The following NBAS variants were observed in gnomAD, a reference collection of about 807,000 sequenced individuals.
The protein encoded by NBAS is NAG/BC035112 fusion.
In NBAS, 219 loss-of-function variants were observed where a neutral mutation model predicts 302.5. The observed-to-expected ratio is 0.72, with a 90% CI of 0.65 to 0.81. The LOEUF is 0.81. Among genes scored for constraint, NBAS ranks in the 30% least tolerant of loss-of-function variants. The probability of loss-of-function intolerance (pLI) is 0.00; values close to 1 mark genes in which losing one functional copy is unlikely to be tolerated. For missense variants in NBAS, 2,932 were observed against 2,841.6 expected, an observed-to-expected ratio of 1.03 and a Z score of -0.72; for synonymous variants, 1,118 against 1,021.6, an observed-to-expected ratio of 1.09 and a Z score of -1.80.
At chr2:14,797,937 T>C in the NBAS span, among the ~76,000 whole-genome samples, 1 of 152,224 alleles carries the variant, frequency 6.6e-6, no homozygotes, top group Admixed American at 6.5e-5. Context: ...TTAATTTTTG[T>C]ATACTGACCT....
intron 32 of NBAS, 121 bp downstream of exon 32, chr2:15,366,459 C>A (rs1348008499): frequency 1.1e-6 from 1 of 932,082 alleles, no homozygotes; most frequent in Non-Finnish European, 1.7e-6. Context: ...CAGAGCGAGA[C>A]CCTGTCTAAT....
chr2:15,495,265 C>T (rs540822819), intron 11 of NBAS, among the ~76,000 whole-genome samples: 3 of 152,234 alleles, frequency 2.0e-5, no homozygotes, highest in Non-Finnish European at 2.9e-5. Flanking sequence ...AAAACAGATA[C>T]GATCCTCTTG....
intron 25 of NBAS, among the ~76,000 whole-genome samples, chr2:15,415,074 G>A (rs1433982468): frequency 6.6e-6 from 1 of 152,208 alleles, no homozygotes; most frequent in Non-Finnish European, 1.5e-5. Flanking sequence ...TACTGGTTAA[G>A]GACACAGTTG....
intron 21 of NBAS, among the ~76,000 whole-genome samples, chr2:15,456,347 A>G (rs1278077032): frequency 6.6e-6 from 1 of 152,250 alleles, no homozygotes; most frequent in Non-Finnish European, 1.5e-5. Flanking sequence ...AGCAGGCAAT[A>G]GGTCAACTTG....
intron 38 of NBAS, among the ~76,000 whole-genome samples, chr2:15,309,916 A>G (rs928636096): frequency 1.3e-5 from 2 of 152,208 alleles, no homozygotes; most frequent in Non-Finnish European, 2.9e-5. Context: ...GCTTGTTTCA[A>G]TAAGGATGTA....
At chr2:14,854,488 T>C in the NBAS span, among the ~76,000 whole-genome samples, 2 of 151,534 alleles carry the variant, frequency 1.3e-5, no homozygotes, top group African/African-American at 2.4e-5. Context: ...TGAGCACTCA[T>C]AGCACCTGCT....
chr2:14,784,448 T>G, the NBAS span, among the ~76,000 whole-genome samples: 8 of 152,228 alleles, frequency 5.3e-5, no homozygotes, highest in Admixed American at 5.2e-4. Flanking sequence ...TTTATGGTTT[T>G]AGGTCTAACG....
At chr2:15,342,773 T>C (rs1293034129) in intron 35 of NBAS, among the ~76,000 whole-genome samples, 1 of 152,132 alleles carries the variant, frequency 6.6e-6, no homozygotes, top group African/African-American at 2.4e-5. Flanking sequence ...ATCATAGATG[T>C]TTCACATCTA....
chr2:15,352,424 A>C (rs1005454884), intron 34 of NBAS, among the ~76,000 whole-genome samples: 1 of 152,214 alleles, frequency 6.6e-6, no homozygotes, highest in African/African-American at 2.4e-5. Flanking sequence ...CGAGTTTTAG[A>C]GCAAGAGTGA....
At chr2:15,000,138 C>T in the NBAS span, among the ~76,000 whole-genome samples, 2 of 152,166 alleles carry the variant, frequency 1.3e-5, no homozygotes, top group Non-Finnish European at 2.9e-5. Flanking sequence ...GGCACATGTA[C>T]ATGTGGGCGG....
At chr2:15,323,800 A>G (rs1041176064) in intron 38 of NBAS, among the ~76,000 whole-genome samples, 2 of 151,856 alleles carry the variant, frequency 1.3e-5, no homozygotes, top group Admixed American at 1.3e-4. Flanking sequence ...ACGCCACTGC[A>G]CTCCAGCCTG....
the NBAS span, among the ~76,000 whole-genome samples, chr2:15,077,876 G>A: frequency 2.4e-4 from 36 of 151,890 alleles, no homozygotes; most frequent in Non-Finnish European, 1.0e-4. Flanking sequence ...TAGAGACGGG[G>A]TTTCACCATA....
chr2:15,380,673 T>C (rs1674992645), intron 29 of NBAS, among the ~76,000 whole-genome samples: 1 of 152,182 alleles, frequency 6.6e-6, no homozygotes, highest in Non-Finnish European at 1.5e-5. Context: ...TTGAGATTTA[T>C]ATAAACAAAG....
chr2:15,489,045 G>A, intron 11 of NBAS, 23 bp from the exon 12 acceptor site: 1 of 1,611,670 alleles, frequency 6.2e-7, no homozygotes, highest in Non-Finnish European at 8.5e-7. Flanking sequence ...CATAAGGTCA[G>A]GGCAAAGGAC....
intron 12 of NBAS, among the ~76,000 whole-genome samples, chr2:15,485,287 A>T (rs1202141436): frequency 6.6e-6 from 1 of 152,120 alleles, no homozygotes; most frequent in Non-Finnish European, 1.5e-5. Flanking sequence ...CAATGTAAAA[A>T]ATTAATAATT....
At chr2:14,960,852 C>T in the NBAS span, among the ~76,000 whole-genome samples, 1 of 152,164 alleles carries the variant, frequency 6.6e-6, no homozygotes, top group African/African-American at 2.4e-5. Flanking sequence ...CAAGACCTGG[C>T]CTTCCTTCTA....
the NBAS span, among the ~76,000 whole-genome samples, chr2:14,982,914 G>C: frequency 6.6e-6 from 1 of 152,038 alleles, no homozygotes; most frequent in African/African-American, 2.4e-5. Context: ...TAGAAACAGA[G>C]GTAAACATCA....
intron 40 of NBAS, among the ~76,000 whole-genome samples, chr2:15,293,597 A>G (rs1002663462): frequency 6.6e-6 from 1 of 152,152 alleles, no homozygotes; most frequent in Non-Finnish European, 1.5e-5. Context: ...CATTAATTCA[A>G]TCCATCCCAA....
chr2:15,444,609 C>T (rs1292821119), intron 21 of NBAS, among the ~76,000 whole-genome samples: 3 of 152,142 alleles, frequency 2.0e-5, no homozygotes, highest in African/African-American at 7.2e-5. Flanking sequence ...GATTTCATGT[C>T]TAAAACACCA....
Sources: allele counts gnomAD v4.1 joint callset (sites outside exome capture counted in the v4.1 genomes callset), GRCh38; gene constraint gnomAD v4.1.1; transcripts MANE v1.5; gene names NCBI Gene and HGNC (gene_info 2026-07-23, HGNC 2026-07-21).